Variants in MAPRE2 observed in about 807,000 individuals in gnomAD.
The protein encoded by MAPRE2 is microtubule-associated protein RP/EB family member 2.
MAPRE2 carries 13 observed loss-of-function variants against 43.2 expected under a neutral mutation model. The observed-to-expected ratio is 0.30, with a 90% CI of 0.20 to 0.48. MAPRE2 has a LOEUF of 0.48. MAPRE2 is among the 20% of genes least tolerant of loss of function. The pLI, the probability that MAPRE2 is intolerant of heterozygous loss-of-function variation, is 0.99. For missense variants in MAPRE2, 161 were observed against 400.2 expected (o/e 0.40, Z 5.10); for synonymous variants, 135 against 148.8 (o/e 0.91, Z 0.68).
chr18:34,984,650 T>C lies in MAPRE2; in HGVS notation c.-70+7571T>C, dbSNP rs529811632. On this transcript the variant is annotated intron_variant, in intron 1 of 7. Transcript: ENST00000413393. ...GGAAAGGGATGGCTGGAGATTGATG[T>C]ATAACTCCCATGCTGACTGGGTAAG... 2.8e-3 allele frequency among the ~76,000 whole-genome samples: 422 copies of C among 150,560 alleles called. 1 individual carries two copies. Among genetic ancestry groups the C allele is most frequent in the African/African-American group, 9.7e-3 (396 of 40,982 alleles).
intron 2 of MAPRE2, among the ~76,000 whole-genome samples, chr18:35,013,977 G>T (rs1247991306): frequency 6.6e-6 from 1 of 152,022 alleles, no homozygotes; most frequent in African/African-American, 2.4e-5. Context: ...ATAAACATGG[G>T]GGTACAGATG....
At chr18:35,132,363 A>G (rs1030736532) in intron 6 of MAPRE2, among the ~76,000 whole-genome samples, 173 bp downstream of exon 6, 1 of 152,284 alleles carries the variant, frequency 6.6e-6, no homozygotes, top group South Asian at 2.1e-4. Context: ...TGATCTATTG[A>G]CCCATGCCTG....
At chr18:35,073,945 C>A (rs1258907578) in intron 2 of MAPRE2, among the ~76,000 whole-genome samples, 1 of 152,168 alleles carries the variant, frequency 6.6e-6, no homozygotes, top group Non-Finnish European at 1.5e-5. Context: ...GTTATTTTAT[C>A]CCAAGAATAT....
intron 2 of MAPRE2, among the ~76,000 whole-genome samples, chr18:35,012,709 A>T (rs1017126715): frequency 8.5e-5 from 13 of 152,194 alleles, no homozygotes; most frequent in African/African-American, 3.1e-4. Context: ...TCATGGAGAC[A>T]GAAAGTTGAA....
At chr18:35,083,383 T>C (rs1188904838) in intron 2 of MAPRE2, among the ~76,000 whole-genome samples, 2 of 152,206 alleles carry the variant, frequency 1.3e-5, no homozygotes, top group East Asian at 3.8e-4. Context: ...TCAGAATGGG[T>C]TTCATATGTA....
rs186385456 is a variant in MAPRE2 at position 35,019,408 on chromosome 18, T to C, written c.-8+13855T>C. Among the ~76,000 whole-genome samples the C allele has an allele frequency of 3.0e-4, 45 of 152,118 alleles. 1 individual carries two copies. The highest frequency in any genetic ancestry group is 1.6e-3 in the Admixed American group (25 of 15,256). On this transcript the variant is annotated intron_variant, in intron 2 of 7. Transcript: ENST00000413393. ...GTATTCTGTGGTTGGTGGAGTATTC[T>C]GTAGATGTCTATTAGGTCCAAGTGT...
intron 2 of MAPRE2, among the ~76,000 whole-genome samples, chr18:35,073,967 A>G (rs1413033754): frequency 1.3e-5 from 2 of 152,164 alleles, no homozygotes; most frequent in Admixed American, 6.5e-5. Context: ...ACCTCATGAA[A>G]ATTTTCTTTG....
chr18:35,013,097 A>T (rs1249976085), intron 2 of MAPRE2, among the ~76,000 whole-genome samples: 1 of 152,214 alleles, frequency 6.6e-6, no homozygotes, highest in East Asian at 1.9e-4. Flanking sequence ...TTGCTTTAGC[A>T]ACAAAGAGGT....
intron 5 of MAPRE2, among the ~76,000 whole-genome samples, chr18:35,131,563 C>T (rs948217551): frequency 1.7e-4 from 26 of 152,138 alleles, no homozygotes; most frequent in Admixed American, 1.7e-3. Context: ...TCAGGGCACT[C>T]ATCCTATTCA....
chr18:35,073,283 CTTTCTA>C (rs1286321623), intron 2 of MAPRE2, among the ~76,000 whole-genome samples: 1 of 152,092 alleles, frequency 6.6e-6, no homozygotes, highest in East Asian at 1.9e-4. Context: ...AAGAAGCTAT[CTTTCTA>C]TTTATTTATT....
intron 2 of MAPRE2, chr18:35,005,651 T>C: frequency 1.5e-6 from 1 of 680,816 alleles, no homozygotes; most frequent in Non-Finnish European, 2.4e-6. Flanking sequence ...TTTTCAAAAT[T>C]CCAGTACACA....
At chr18:35,000,428 T>C (rs953997252) in intron 1 of MAPRE2, among the ~76,000 whole-genome samples, 6 of 152,378 alleles carry the variant, frequency 3.9e-5, no homozygotes, top group South Asian at 4.1e-4. Context: ...ATATCTTTCA[T>C]GTTCCTGTAG....
chr18:35,046,999 T>A (rs1568983202), intron 1 of MAPRE2, among the ~76,000 whole-genome samples: 2 of 152,190 alleles, frequency 1.3e-5, no homozygotes, highest in Non-Finnish European at 2.9e-5. Context: ...GCATCTTCCC[T>A]TGGCATTTAA....
intron 1 of MAPRE2, chr18:34,978,160 CA>C: frequency 3.0e-6 from 1 of 337,072 alleles, no homozygotes; most frequent in Non-Finnish European, 5.4e-6. Context: ...CACCAGCCAA[CA>C]CTGCTGTCCC....
intron 2 of MAPRE2, among the ~76,000 whole-genome samples, chr18:35,014,479 G>C (rs754291763): frequency 1.2e-4 from 18 of 151,610 alleles, no homozygotes; most frequent in South Asian, 6.2e-4. Flanking sequence ...CTCTTCTTTG[G>C]GGAAACGTGA....
chr18:35,104,920 C>T (rs953288521), intron 4 of MAPRE2, among the ~76,000 whole-genome samples: 3 of 152,034 alleles, frequency 2.0e-5, no homozygotes, highest in African/African-American at 4.8e-5. Context: ...AGCTTGGACT[C>T]GAAACTCAAC....
At chr18:35,037,957 A>C (rs556741077), upstream of MAPRE2, among the ~76,000 whole-genome samples, 3 of 152,246 alleles carry the variant, frequency 2.0e-5, no homozygotes, top group East Asian at 5.8e-4. Context: ...TGGGCTTGTA[A>C]TATCTGAGTC....
rs180768079 is a variant in MAPRE2, at chr18:35,130,763, G to A, written c.751-1269G>A. On this transcript the variant is annotated intron_variant, in intron 5 of 6. Coordinates refer to ENST00000300249, the MANE Select transcript of MAPRE2 (RefSeq NM_014268.4). ...GGGGATCCTCAGAGACCAGGAACGGGGTAATAGTTTGGGCCTGAGTGTAGC... is the reference window on the plus strand; with the variant it reads ...GGGGATCCTCAGAGACCAGGAACGGAGTAATAGTTTGGGCCTGAGTGTAGC... 4.3e-3 allele frequency among the ~76,000 whole-genome samples: 652 copies of A among 152,268 alleles called. 5 individuals are homozygous for A. Among genetic ancestry groups the A allele is most frequent in the Non-Finnish European group, 7.1e-3 (484 of 68,010 alleles).
upstream of MAPRE2, among the ~76,000 whole-genome samples, chr18:35,039,972 G>A (rs1371038021): frequency 3.3e-5 from 5 of 152,294 alleles, no homozygotes; most frequent in South Asian, 6.2e-4. Flanking sequence ...AGCACTTTGG[G>A]GCGGGTGGAC....
Sources: gnomAD v4.1 joint callset for allele counts (sites outside exome capture counted in the v4.1 genomes callset) on GRCh38, gnomAD v4.1.1 for gene constraint, MANE v1.5 for transcripts, NCBI Gene and HGNC (gene_info 2026-07-23, HGNC 2026-07-21) for gene names.